ERICH1: variants seen among roughly 807,000 people sequenced by gnomAD.
ERICH1 encodes the protein glutamate rich 1.
A neutral mutation model predicts 39.6 loss-of-function variants in ERICH1; 56 were observed. The ratio of observed to expected loss-of-function variants is 1.41; its 90% CI spans 1.14 to 1.77. The LOEUF is 1.77. Ranked by LOEUF, ERICH1 falls within the 40% of genes most tolerant of loss-of-function variation. The pLI, the probability that ERICH1 is intolerant of heterozygous loss-of-function variation, is 0.00. For synonymous variants in ERICH1, 313 were observed against 223.6 expected, an observed-to-expected ratio of 1.40 and a Z score of -3.57; for missense variants, 826 against 575.4, an observed-to-expected ratio of 1.44 and a Z score of -4.45.
chr8:630,112 CGTG>C (rs1797898574), intron 3 of ERICH1, among the ~76,000 whole-genome samples: 1 of 80,806 alleles, frequency 1.2e-5, no homozygotes, highest in Non-Finnish European at 2.3e-5. Flanking sequence ...CACACCCTCC[CGTG>C]AGCACCCACA....
In ERICH1 at chr8:715,945, C is replaced by G. The variant is rs1314008466; in HGVS notation, c.85G>C (p.Glu29Gln). The change falls in exon 2 of 6, where the codon GAA becomes CAA. Residue 29 changes from glutamate (E) to glutamine (Q), a missense_variant. Physicochemically the swap from Glu to Gln is conservative, Grantham distance 29 (BLOSUM62 2). Coordinates refer to ENST00000262109, the MANE Select transcript of ERICH1 (RefSeq NM_207332.3). ...PPVPSGQGKR[E>Q]PQTLAVQNPP... ...TTTTGGACGGCCAGCGTCTGGGGTT[C>G]CCTCTTTCCTTGGCCACTTGGAACA... 6.2e-6 allele frequency: 10 copies of G among 1,613,808 alleles called. No individual in the cohort carries two copies. Among genetic ancestry groups the G allele is most frequent in the Non-Finnish European group, 8.5e-6 (10 of 1,179,916 alleles).
At position 715,088 on chromosome 8, in the gene ERICH1, G is replaced by C. The variant is rs571862426; in HGVS notation, c.169+773C>G. Among the ~76,000 whole-genome samples the C allele has an allele frequency of 1.3e-3, 194 of 151,410 alleles. 1 individual carries two copies. The highest frequency in any genetic ancestry group is 0.012 in the South Asian group (57 of 4,764). On this transcript the variant is annotated intron_variant, in intron 2 of 5. Transcript: ENST00000262109. ...CCGCACCCAGGTGGTCTATTCCCGT[G>C]TCTCTCAGTGGGATGTGTTACATCC...
chr8:665,120 G>A (rs1015112120), intron 5 of ERICH1, among the ~76,000 whole-genome samples: 9 of 152,356 alleles, frequency 5.9e-5, no homozygotes, highest in African/African-American at 2.2e-4. Flanking sequence ...TGGTGCCTAC[G>A]TCATGAAACC....
chr8:617,217 AG>A (rs1796976550), intron 3 of ERICH1, among the ~76,000 whole-genome samples: 1 of 152,110 alleles, frequency 6.6e-6, no homozygotes, highest in Non-Finnish European at 1.5e-5. Context: ...GCCTTCATGA[AG>A]GGCTTCCGTA....
At chr8:653,911 G>C (rs1800288297) in intron 3 of ERICH1, among the ~76,000 whole-genome samples, 1 of 151,810 alleles carries the variant, frequency 6.6e-6, no homozygotes, top group South Asian at 2.1e-4. Context: ...AAACCCTGAG[G>C]ATGTTATGCT....
chr8:630,677 C>G (rs1797959205), intron 3 of ERICH1, among the ~76,000 whole-genome samples: 1 of 132,304 alleles, frequency 7.6e-6, no homozygotes, highest in Non-Finnish European at 1.6e-5. Context: ...CTGACTCACA[C>G]CCTCCCGTGA....
intron 3 of ERICH1, among the ~76,000 whole-genome samples, chr8:683,979 A>T (rs1299673580): frequency 6.6e-6 from 1 of 152,244 alleles, no homozygotes; most frequent in East Asian, 1.9e-4. Flanking sequence ...TGAATTATAC[A>T]TACTCAAGAA....
At chr8:638,147 C>T (rs1798592772) in intron 3 of ERICH1, among the ~76,000 whole-genome samples, 1 of 152,238 alleles carries the variant, frequency 6.6e-6, no homozygotes, top group African/African-American at 2.4e-5. Context: ...GAGGAAGGGC[C>T]CAGCATCCTG....
chr8:632,337 T>A (rs930438511), intron 3 of ERICH1, among the ~76,000 whole-genome samples: 46 of 141,076 alleles, frequency 3.3e-4, no homozygotes, highest in Admixed American at 7.8e-4. Context: ...AAAAAAAAAA[T>A]AATAATGAAT....
intron 1 of ERICH1, 105 bp downstream of exon 1, chr8:731,035 T>C (rs1214570466): frequency 5.6e-6 from 7 of 1,242,102 alleles, no homozygotes; most frequent in Admixed American, 4.2e-5. Flanking sequence ...GGGTTTGGGG[T>C]GGGGCCTGGA....
At chr8:692,348 A>G in intron 3 of ERICH1, 130 bp downstream of exon 3, 1 of 1,311,686 alleles carries the variant, frequency 7.6e-7, no homozygotes, top group Non-Finnish European at 1.1e-6. Context: ...GTGGTTCATT[A>G]TACAGTGTAA....
At chr8:677,848 C>A (rs1390615640) in intron 3 of ERICH1, among the ~76,000 whole-genome samples, 1 of 152,130 alleles carries the variant, frequency 6.6e-6, no homozygotes, top group African/African-American at 2.4e-5. Context: ...CCAGCAAGAA[C>A]ACTGCGGAAT....
At chr8:670,728 G>A (rs573439728) in intron 4 of ERICH1, among the ~76,000 whole-genome samples, 135 of 152,322 alleles carry the variant, frequency 8.9e-4, no homozygotes, top group African/African-American at 3.1e-3. Context: ...GCCATGCAGT[G>A]TTGAGTTCTG....
chr8:702,164 T>C (rs768942362), intron 2 of ERICH1, among the ~76,000 whole-genome samples: 9 of 145,844 alleles, frequency 6.2e-5, no homozygotes, highest in Non-Finnish European at 1.2e-4. Context: ...ACCCCGGAAA[T>C]TGGTAAGACA....
chr8:617,909 A>ATCTGT (rs1325952078), intron 3 of ERICH1, among the ~76,000 whole-genome samples: 2 of 118,310 alleles, frequency 1.7e-5, no homozygotes, highest in South Asian at 2.9e-4. Flanking sequence ...TACTTGGTCC[A>ATCTGT]TCTCACTGCC....
intron 1 of ERICH1, among the ~76,000 whole-genome samples, chr8:728,650 C>G (rs563793267): frequency 1.3e-5 from 2 of 152,334 alleles, no homozygotes; most frequent in East Asian, 3.9e-4. Context: ...TGCCCTTCCC[C>G]TTCCTGGGAC....
intron 5 of ERICH1, among the ~76,000 whole-genome samples, chr8:665,449 G>A (rs1236881561): frequency 6.6e-6 from 1 of 152,224 alleles, no homozygotes; most frequent in African/African-American, 2.4e-5. Context: ...TGCTTCTGAA[G>A]TTTCCAACCA....
intron 3 of ERICH1, among the ~76,000 whole-genome samples, chr8:657,040 T>C (rs761791869): frequency 6.6e-6 from 1 of 152,238 alleles, no homozygotes; most frequent in Non-Finnish European, 1.5e-5. Context: ...TTAATAGCTT[T>C]CTCAAATAAA....
chr8:643,727 T>C (rs1172176954), intron 3 of ERICH1, among the ~76,000 whole-genome samples: 1 of 152,234 alleles, frequency 6.6e-6, no homozygotes, highest in Admixed American at 6.5e-5. Context: ...TTGTGGGATG[T>C]GGCGTCAGGC....
Sources: gnomAD v4.1 joint callset for allele counts (sites outside exome capture counted in the v4.1 genomes callset) on GRCh38, gnomAD v4.1.1 for gene constraint, MANE v1.5 for transcripts, NCBI Gene and HGNC (gene_info 2026-07-23, HGNC 2026-07-21) for gene names.